Variants in ATMIN observed in about 807,000 individuals in gnomAD.
ATMIN encodes ATM INteracting protein.
A neutral mutation model predicts 49.2 loss-of-function variants in ATMIN; 24 were observed. The ratio of observed to expected loss-of-function variants is 0.49; its 90% CI spans 0.35 to 0.69. ATMIN has a LOEUF of 0.69. ATMIN is among the 30% of genes least tolerant of loss of function. The pLI, the probability that ATMIN is intolerant of heterozygous loss-of-function variation, is 0.00. For missense variants in ATMIN, 1,037 were observed against 1,005.5 expected (o/e 1.03, Z -0.42); for synonymous variants, 450 against 392.5 (o/e 1.15, Z -1.73).
intron 1 of ATMIN, among the ~76,000 whole-genome samples, chr16:81,039,150 G>A (rs1232597336): frequency 6.6e-6 from 1 of 152,138 alleles, no homozygotes. Flanking sequence ...GTAGGGGTAA[G>A]GACAAGGAAC....
intron 1 of ATMIN, 55 bp from the exon 2 acceptor site, chr16:81,041,301 A>T: frequency 6.4e-7 from 1 of 1,558,410 alleles, no homozygotes; most frequent in South Asian, 1.2e-5. Flanking sequence ...TTTCCACTCC[A>T]GCCTGTTGTG....
chr16:81,037,290 C>T, intron 1 of ATMIN: 1 of 985,422 alleles, frequency 1.0e-6, no homozygotes. Context: ...CAGAATATTG[C>T]ATGTTCTGTC....
In ATMIN at chr16:81,044,079, T is replaced by C; in HGVS notation, c.1581T>C (p.Val527=). Residue 527 remains valine, a synonymous_variant, in exon 4 of 4, where the codon GTT becomes GTC. Coordinates refer to ENST00000299575, the MANE Select transcript of ATMIN (RefSeq NM_015251.3). ...AGAGTGTTCATTCATCATATAATGT[T>C]GCTACAGGTAACATTATAAGCAACA... ...IFESVHSSYN[V]ATGNIISNSL... 4 of 1,614,204 alleles carry C rather than the reference T, an allele frequency of 2.5e-6. No individual in the cohort carries two copies. Among genetic ancestry groups the C allele is most frequent in the Non-Finnish European group, 3.4e-6 (4 of 1,180,034 alleles).
rs573252489 is a variant in ATMIN, at chr16:81,041,485, C to T, written c.462+4C>T. On this transcript the variant is annotated splice_donor_region_variant and intron_variant, in intron 2 of 3. Transcript: ENST00000299575. ...TCAGTTTTCTCTCGTAAAACAGGTA[C>T]TCTCTACTCTGAGGATGAGATACAG... 8 of 1,598,260 alleles carry T rather than the reference C, an allele frequency of 5.0e-6. No homozygotes were observed. In the South Asian group the frequency reaches 5.7e-5, roughly 11 times the overall value.
At chr16:81,038,646 T>C (rs1970987981) in intron 1 of ATMIN, among the ~76,000 whole-genome samples, 1 of 152,156 alleles carries the variant, frequency 6.6e-6, no homozygotes, top group Admixed American at 6.5e-5. Flanking sequence ...ATCTGTACCT[T>C]GTCTGGTTAC....
rs767835821 is a variant in ATMIN at position 81,044,750 on chromosome 16, T to A, written c.2252T>A (p.Ile751Lys). The change falls in exon 4 of 4, where the codon ATA (isoleucine) becomes AAA (lysine). Residue 751 changes from isoleucine to lysine, a missense_variant. By Grantham distance (102) the Ile-to-Lys change is moderately radical. Coordinates refer to ENST00000299575, the MANE Select transcript of ATMIN (RefSeq NM_015251.3). ...QTEGVSTAKN[I>K]PALESKVQLN... ...GAAGGAGTCTCCACTGCTAAAAATATACCTGCTCTAGAAAGCAAAGTTCAG... is the reference window on the plus strand; with the variant it reads ...GAAGGAGTCTCCACTGCTAAAAATAAACCTGCTCTAGAAAGCAAAGTTCAG... The A allele has an allele frequency of 1.4e-5, 23 of 1,614,214 alleles. No individual in the cohort carries two copies. The South Asian group carries it at 1.8e-4, about 12-fold the overall frequency.
Position 81,042,403 on chromosome 16 carries a change from C to T in ATMIN, c.585C>T (p.Cys195=), listed in dbSNP as rs368131038. The change falls in exon 3 of 4, where the codon TGC becomes TGT. Residue 195 remains cysteine (C), a synonymous_variant. Coordinates refer to ENST00000299575, the MANE Select transcript of ATMIN (RefSeq NM_015251.3). ...GTGGCAAGACCTTCCGGTGCACATG[C>T]GGCTGTCCCTACGCCAGTAGAACAG... ...EDCGKTFRCT[C]GCPYASRTAL... is the part of the protein sequence containing the mutation. The T allele has an allele frequency of 9.9e-6, 16 of 1,613,998 alleles. No homozygotes were observed. Among genetic ancestry groups the T allele is most frequent in the East Asian group, 4.5e-5 (2 of 44,892 alleles).
rs142330665 is a variant in ATMIN, at chr16:81,043,734, C to T, written c.1236C>T (p.Asn412=). Residue 412 remains asparagine, a synonymous_variant, in exon 4 of 4, where the codon AAC becomes AAT. Transcript: ENST00000299575. Reference sequence around the variant, plus strand: ...AAAAGAATAGCATTTCTTCAATCAACGTGCAGACAGATCTGTCTTATGCCT... The same window carrying T: ...AAAAGAATAGCATTTCTTCAATCAATGTGCAGACAGATCTGTCTTATGCCT... The part of the protein sequence containing the change: ...TCQKNSISSI[N]VQTDLSYASQ... The T allele has an allele frequency of 6.4e-5, 103 of 1,614,256 alleles. No individual in the cohort carries two copies. Among genetic ancestry groups the T allele is most frequent in the Middle Eastern group, 3.3e-4 (2 of 6,060 alleles).
At position 81,036,083 on chromosome 16, in the gene ATMIN, G is replaced by A; in HGVS notation, c.213G>A (p.Pro71=). Residue 71 remains proline (P), a synonymous_variant, in exon 1 of 4, where the codon CCG becomes CCA. Coordinates refer to ENST00000299575, the MANE Select transcript of ATMIN (RefSeq NM_015251.3). The part of the protein sequence containing the change: ...PAPPAGELIQ[P]SVSELSRAVR... ...CGCCGGCGGGGGAGCTGATCCAGCC[G>A]TCGGTGAGCGAGCTGTCCCGGGCCG... is the stretch of plus-strand genomic sequence containing the variant. 5 of 1,345,702 alleles carry A rather than the reference G, an allele frequency of 3.7e-6. No homozygotes were observed. Among genetic ancestry groups the A allele is most frequent in the South Asian group, 3.8e-5 (2 of 53,184 alleles). 83.4% of individuals were successfully genotyped at this position (1,345,702 alleles called of 1,614,324 possible). A position where few individuals can be genotyped will look rare whatever the true frequency, so the allele number is the denominator to read the frequency against.
Position 81,044,926 on chromosome 16 carries a change from G to A in ATMIN, c.2428G>A (p.Glu810Lys), listed in dbSNP as rs748278213. The A allele has an allele frequency of 1.9e-6, 3 of 1,614,006 alleles. No homozygotes were observed. The South Asian group carries it at 3.3e-5, about 18-fold the overall frequency. Residue 810 changes from glutamate (E) to lysine (K), a missense_variant, in exon 4 of 4, where the codon GAA becomes AAA. Glu to Lys is a moderately conservative substitution (Grantham distance 56). Transcript: ENST00000299575. ...NTMESQFSSV[E>K]TQTSAEPHTV... The stretch of plus-strand genomic sequence containing the variant: ...GATGGAGTCTCAGTTCAGCTCTGTA[G>A]AAACCCAGACTTCTGCGGAACCACA...
rs752776791 is a variant in ATMIN at position 81,039,142 on chromosome 16, A to AG, written c.337-2210dup. Among the ~76,000 whole-genome samples the AG allele has an allele frequency of 8.5e-5, 13 of 152,244 alleles. No individual in the cohort carries two copies. The South Asian group carries it at 2.3e-3, about 27-fold the overall frequency. The stretch of plus-strand genomic sequence containing the variant: ...TGTTTTCAAAGTACTGGAAGAAGGT[A>AG]GGGGTAAGGACAAGGAACCGGGAGG... On this transcript the variant is annotated intron_variant, in intron 1 of 3. Coordinates refer to ENST00000299575, the MANE Select transcript of ATMIN (RefSeq NM_015251.3).
rs1971049409 is a variant in ATMIN at position 81,042,333 on chromosome 16, A to G, written c.515A>G (p.Asn172Ser). ...AAGCACAAATGTAGTAAGTGCAGCA[A>G]TTCGTACGGTACAGAATGGGACCTG... The part of the protein sequence containing the change: ...EKKHKCSKCS[N>S]SYGTEWDLKR... Residue 172 changes from asparagine (N) to serine (S), a missense_variant, in exon 3 of 4, where the codon AAT (asparagine) becomes AGT (serine). Asn to Ser is a conservative substitution (Grantham distance 46). Transcript: ENST00000299575. The G allele has an allele frequency of 8.1e-6, 13 of 1,614,126 alleles. No homozygotes were observed. The highest frequency in any genetic ancestry group is 1.1e-5 in the Non-Finnish European group (13 of 1,180,022).
At chr16:81,037,087 GTGACAAGC>G in intron 1 of ATMIN, 1 of 751,538 alleles carries the variant, frequency 1.3e-6, no homozygotes, top group Non-Finnish European at 1.6e-6. Context: ...GGACACATCT[GTGACAAGC>G]TTATTAAAAA....
At position 81,042,406 on chromosome 16, in the gene ATMIN, C is replaced by G; in HGVS notation, c.588C>G (p.Gly196=). Residue 196 remains glycine, a synonymous_variant, in exon 3 of 4, where the codon GGC becomes GGG. Transcript: ENST00000299575. ...GCAAGACCTTCCGGTGCACATGCGG[C>G]TGTCCCTACGCCAGTAGAACAGCAC... The part of the protein sequence containing the change: ...DCGKTFRCTC[G]CPYASRTALQ... 1 of 1,614,156 alleles carries G rather than the reference C, an allele frequency of 6.2e-7. No homozygotes were observed. The highest frequency in any genetic ancestry group is 8.5e-7 in the Non-Finnish European group (1 of 1,180,030).
intron 1 of ATMIN, 27 bp downstream of exon 1, chr16:81,036,233 G>A: frequency 2.2e-6 from 3 of 1,369,470 alleles, no homozygotes; most frequent in South Asian, 2.9e-5. Flanking sequence ...CGGCGGCCCG[G>A]GGGGCCGGGC....
Position 81,044,814 on chromosome 16 carries a change from T to G in ATMIN, c.2316T>G (p.Phe772Leu), listed in dbSNP as rs924286085. 23 of 1,614,180 alleles carry G rather than the reference T, an allele frequency of 1.4e-5. No homozygotes were observed. Among genetic ancestry groups the G allele is most frequent in the Non-Finnish European group, 1.9e-5 (22 of 1,180,024 alleles). The part of the protein sequence containing the change: ...STETQTMSSG[F>L]ETLGSLFFTS... Reference sequence around the variant, plus strand: ...AAACACAGACCATGAGTTCTGGGTTTGAAACCCTGGGGAGCTTGTTCTTCA... The same window carrying G: ...AAACACAGACCATGAGTTCTGGGTTGGAAACCCTGGGGAGCTTGTTCTTCA... The change falls in exon 4 of 4, where the codon TTT becomes TTG. Residue 772 changes from phenylalanine (F) to leucine (L), a missense_variant. Physicochemically the swap from Phe to Leu is conservative, Grantham distance 22. Coordinates refer to ENST00000299575, the MANE Select transcript of ATMIN (RefSeq NM_015251.3).
intron 1 of ATMIN, chr16:81,037,624 T>A: frequency 1.8e-6 from 1 of 547,072 alleles, no homozygotes; most frequent in Non-Finnish European, 2.3e-6. Context: ...TTTTCTTCCC[T>A]ATTGTTTTTG....
At position 81,043,186 on chromosome 16, in the gene ATMIN, A is replaced by G. The variant is rs751307401; in HGVS notation, c.688A>G (p.Met230Val). 4 of 1,606,288 alleles carry G rather than the reference A, an allele frequency of 2.5e-6. No homozygotes were observed. The highest frequency in any genetic ancestry group is 1.1e-5 in the South Asian group (1 of 89,170). ...HRDPPSKKRK[M>V]ENCAQNQKLS... The stretch of plus-strand genomic sequence containing the variant: ...GGACCCACCTAGTAAGAAAAGGAAA[A>G]TGGAAAACTGTGCACAAAACCAGAA... The change falls in exon 4 of 4, where the codon ATG becomes GTG. Residue 230 changes from methionine to valine, a missense_variant. Met to Val is a conservative substitution (Grantham distance 21). Coordinates refer to ENST00000299575, the MANE Select transcript of ATMIN (RefSeq NM_015251.3).
chr16:81,038,405 A>G (rs1049053694), intron 1 of ATMIN, among the ~76,000 whole-genome samples: 6 of 152,086 alleles, frequency 3.9e-5, no homozygotes, highest in African/African-American at 1.4e-4. Context: ...GGCTGGGATT[A>G]CAGGTGTGAG....
Sources: allele counts gnomAD v4.1 joint callset (sites outside exome capture counted in the v4.1 genomes callset), GRCh38; gene constraint gnomAD v4.1.1; transcripts MANE v1.5; gene names NCBI Gene and HGNC (gene_info 2026-07-23, HGNC 2026-07-21).